The following WWP1 variants were observed in gnomAD, a reference collection of about 807,000 sequenced individuals.
WWP1 encodes the protein WW domain containing E3 ubiquitin protein ligase 1.
In WWP1, 49 loss-of-function variants were observed where a neutral mutation model predicts 130.6. The observed-to-expected ratio is 0.38, with a 90% CI of 0.30 to 0.48. WWP1 has a LOEUF of 0.48. WWP1 is among the 20% of genes least tolerant of loss of function. The pLI is 0.99. For missense variants in WWP1, 809 were observed against 1,100.6 expected, an observed-to-expected ratio of 0.74 and a Z score of 3.75; for synonymous variants, 332 against 367.8, an observed-to-expected ratio of 0.90 and a Z score of 1.11.
At chr8:86,451,190 C>A (rs1811152330) in intron 20 of WWP1, among the ~76,000 whole-genome samples, 1 of 121,784 alleles carries the variant, frequency 8.2e-6, no homozygotes, top group African/African-American at 3.3e-5. Context: ...GTGAACCAGG[C>A]AACCGAGTGA....
chr8:86,397,536 A>G (rs1807747347), intron 5 of WWP1, among the ~76,000 whole-genome samples: 1 of 152,196 alleles, frequency 6.6e-6, no homozygotes, highest in African/African-American at 2.4e-5. Context: ...CAATATCTCC[A>G]AGAAACAAAA....
chr8:86,381,354 T>C (rs1341723015), intron 4 of WWP1, 151 bp from the exon 5 acceptor site: 2 of 942,816 alleles, frequency 2.1e-6, no homozygotes, highest in African/African-American at 1.7e-5. Flanking sequence ...ATTCAAGTAG[T>C]TTCCTGTTTC....
At chr8:86,388,899 C>T (rs916385428) in intron 5 of WWP1, among the ~76,000 whole-genome samples, 4 of 152,098 alleles carry the variant, frequency 2.6e-5, no homozygotes, top group African/African-American at 9.7e-5. Flanking sequence ...TGCTAACAGC[C>T]AGTAGACTTC....
chr8:86,431,282 G>T, intron 12 of WWP1, 124 bp from the exon 13 acceptor site: 1 of 193,774 alleles, frequency 5.2e-6, no homozygotes, highest in Admixed American at 6.9e-5. Context: ...AATATATAAG[G>T]GATACATATA....
chr8:86,424,830 GA>G (rs1204845855), intron 9 of WWP1, among the ~76,000 whole-genome samples: 2 of 111,724 alleles, frequency 1.8e-5, no homozygotes, highest in Non-Finnish European at 3.7e-5. Context: ...GGGAGAGGGA[GA>G]GGGAGGGGGA....
intron 1 of WWP1, among the ~76,000 whole-genome samples, chr8:86,351,986 T>C (rs1822958550): frequency 6.6e-6 from 1 of 151,576 alleles, no homozygotes; most frequent in Non-Finnish European, 1.5e-5. Flanking sequence ...TTATTTGGGG[T>C]CCTAGTGTGC....
At chr8:86,442,467 TAGA>T in intron 17 of WWP1, 149 bp from the exon 18 acceptor site, 2 of 623,868 alleles carry the variant, frequency 3.2e-6, no homozygotes, top group Non-Finnish European at 4.9e-6. Context: ...AGCCAGATCA[TAGA>T]AGAACTTGGA....
chr8:86,372,311 C>T lies in WWP1; in HGVS notation c.-21-1719C>T, dbSNP rs542753635. Among the ~76,000 whole-genome samples, 428 of 152,204 alleles carry T rather than the reference C, an allele frequency of 2.8e-3. 1 individual carries two copies. Among genetic ancestry groups the T allele is most frequent in the African/African-American group, 9.6e-3 (400 of 41,542 alleles). ...TGCTGGGATTACAGGCGTGAGCCAC[C>T]GCGCCCGGCCTAATTTTTGTATTTT... On this transcript the variant is annotated intron_variant, in intron 2 of 24. Transcript: ENST00000517970.
intron 8 of WWP1, among the ~76,000 whole-genome samples, chr8:86,404,863 A>G (rs547363574): frequency 1.3e-5 from 2 of 152,260 alleles, no homozygotes; most frequent in African/African-American, 2.4e-5. Context: ...CCTTCTTCCT[A>G]TTCATTTTGA....
chr8:86,362,174 A>ATATATG, intron 1 of WWP1, among the ~76,000 whole-genome samples: 1 of 115,362 alleles, frequency 8.7e-6, no homozygotes. Context: ...ATATATATAT[A>ATATATG]TATATATATA....
At chr8:86,399,174 G>C (rs1807837135) in intron 7 of WWP1, among the ~76,000 whole-genome samples, 1 of 152,026 alleles carries the variant, frequency 6.6e-6, no homozygotes, top group South Asian at 2.1e-4. Flanking sequence ...TCTGTATTTA[G>C]ACATATTTTA....
At chr8:86,388,856 AC>A (rs1308752922) in intron 5 of WWP1, among the ~76,000 whole-genome samples, 2 of 152,154 alleles carry the variant, frequency 1.3e-5, no homozygotes, top group Non-Finnish European at 2.9e-5. Context: ...TTTAAATCAG[AC>A]CTGAGTTGCT....
intron 23 of WWP1, 50 bp from the exon 24 acceptor site, chr8:86,461,724 G>A (rs1455446710): frequency 2.0e-6 from 3 of 1,466,618 alleles, no homozygotes; most frequent in Non-Finnish European, 2.9e-6. Flanking sequence ...GTTGTCAGAA[G>A]AAAAAAGTTT....
chr8:86,453,711 C>T (rs1277647137), intron 21 of WWP1, among the ~76,000 whole-genome samples: 1 of 151,894 alleles, frequency 6.6e-6, no homozygotes, highest in African/African-American at 2.4e-5. Flanking sequence ...TTTTCTGTTT[C>T]TTGTTTTGGT....
chr8:86,435,279 A>G (rs1810226830), intron 14 of WWP1, among the ~76,000 whole-genome samples, 173 bp from the exon 15 acceptor site: 1 of 152,186 alleles, frequency 6.6e-6, no homozygotes, highest in South Asian at 2.1e-4. Flanking sequence ...TGTTGCTGTA[A>G]TAGTCCCCAT....
chr8:86,351,168 A>G (rs1408978261), intron 1 of WWP1, among the ~76,000 whole-genome samples: 1 of 152,222 alleles, frequency 6.6e-6, no homozygotes, highest in East Asian at 1.9e-4. Flanking sequence ...TATAAAGCAG[A>G]AAGCATGGTG....
intron 1 of WWP1, among the ~76,000 whole-genome samples, chr8:86,348,416 C>T (rs1262492935): frequency 6.6e-6 from 1 of 152,100 alleles, no homozygotes; most frequent in East Asian, 1.9e-4. Flanking sequence ...CGGGGTTTCT[C>T]CATGTTGGTC....
chr8:86,406,624 C>G (rs919105163), intron 8 of WWP1, among the ~76,000 whole-genome samples: 1 of 152,094 alleles, frequency 6.6e-6, no homozygotes, highest in African/African-American at 2.4e-5. Context: ...ACAACCCATA[C>G]AGCTTGTTCA....
chr8:86,380,989 T>A, intron 4 of WWP1, 125 bp downstream of exon 4: 1 of 1,221,528 alleles, frequency 8.2e-7, no homozygotes, highest in Non-Finnish European at 1.1e-6. Context: ...ATCGACAATT[T>A]AAAGTATGGA....
Sources: gnomAD v4.1 joint callset for allele counts (sites outside exome capture counted in the v4.1 genomes callset) on GRCh38, gnomAD v4.1.1 for gene constraint, MANE v1.5 for transcripts, NCBI Gene and HGNC (gene_info 2026-07-23, HGNC 2026-07-21) for gene names.